FAF1: variants seen among roughly 807,000 people sequenced by gnomAD.
FAF1 encodes Fas associated factor 1.
Under a neutral mutation model 92.5 loss-of-function variants are expected in FAF1, and 25 were observed. The observed-to-expected ratio is 0.27, with a 90% CI of 0.20 to 0.38. The LOEUF is 0.38. Among genes scored for constraint, FAF1 ranks in the 10% least tolerant of loss-of-function variants. The pLI is 1.00. For missense variants in FAF1, 636 were observed against 793.3 expected, an observed-to-expected ratio of 0.80 and a Z score of 2.38; for synonymous variants, 234 against 273.2, an observed-to-expected ratio of 0.86 and a Z score of 1.42.
At position 50,797,995 on chromosome 1, in the gene FAF1, A is replaced by G. The variant is rs532009166; in HGVS notation, c.161+3636T>C. 5.3e-5 allele frequency among the ~76,000 whole-genome samples: 8 copies of G among 152,224 alleles called. No individual in the cohort carries two copies. The South Asian group carries it at 1.7e-3, about 32-fold the overall frequency. On this transcript the variant is annotated intron_variant, in intron 3 of 18. Coordinates refer to ENST00000396153, the MANE Select transcript of FAF1 (RefSeq NM_007051.3). Reference sequence around the variant, plus strand: ...GAAGGCAATGAACAGAAAGAAAACTAAACAGGAACTCTGCACTTGTTTATT... The same window carrying G: ...GAAGGCAATGAACAGAAAGAAAACTGAACAGGAACTCTGCACTTGTTTATT...
intron 2 of FAF1, among the ~76,000 whole-genome samples, chr1:50,806,839 C>T (rs2124599803): frequency 6.6e-6 from 1 of 152,260 alleles, no homozygotes; most frequent in Non-Finnish European, 1.5e-5. Flanking sequence ...AATTAAACCT[C>T]CAAATGCATC....
chr1:50,750,601 G>C (rs978885230), intron 4 of FAF1, among the ~76,000 whole-genome samples: 2 of 150,290 alleles, frequency 1.3e-5, no homozygotes, highest in Non-Finnish European at 1.5e-5. Flanking sequence ...TAATGTTTTC[G>C]AGATTTATCC....
At chr1:50,659,592 T>C (rs192133521) in intron 7 of FAF1, among the ~76,000 whole-genome samples, 1 of 151,284 alleles carries the variant, frequency 6.6e-6, no homozygotes, top group Admixed American at 6.6e-5. Context: ...TCTTACACAT[T>C]TTTTTTTTGA....
chr1:50,912,658 C>T (rs1387724282), intron 1 of FAF1, among the ~76,000 whole-genome samples: 1 of 152,058 alleles, frequency 6.6e-6, no homozygotes, highest in East Asian at 1.9e-4. Context: ...TACTGTTTCC[C>T]AAAAGAAGTT....
intron 7 of FAF1, among the ~76,000 whole-genome samples, chr1:50,675,643 TA>T (rs1340382095): frequency 6.6e-6 from 1 of 152,230 alleles, no homozygotes; most frequent in Non-Finnish European, 1.5e-5. Flanking sequence ...AGTGCACATT[TA>T]AAACATGCTG....
chr1:50,857,090 C>T (rs990989431), intron 2 of FAF1, among the ~76,000 whole-genome samples: 27 of 151,782 alleles, frequency 1.8e-4, no homozygotes, highest in African/African-American at 6.5e-4. Context: ...CATTTCATTA[C>T]ATTAAGCATC....
At chr1:50,948,113 T>C (rs922247657) in intron 1 of FAF1, among the ~76,000 whole-genome samples, 5 of 152,180 alleles carry the variant, frequency 3.3e-5, no homozygotes, top group African/African-American at 7.2e-5. Flanking sequence ...GTACAAGGTA[T>C]GAATGTTACA....
chr1:50,716,845 C>T (rs1658197143), intron 6 of FAF1, among the ~76,000 whole-genome samples: 1 of 152,208 alleles, frequency 6.6e-6, no homozygotes, highest in African/African-American at 2.4e-5. Context: ...CCCCAGCCAG[C>T]AGTGGCGACC....
At chr1:50,934,823 A>T (rs767460435) in intron 1 of FAF1, among the ~76,000 whole-genome samples, 6 of 152,162 alleles carry the variant, frequency 3.9e-5, no homozygotes, top group Non-Finnish European at 8.8e-5. Context: ...TTTTTCTTTC[A>T]ACACTTTAAA....
chr1:50,661,824 G>A (rs564587398), intron 7 of FAF1, among the ~76,000 whole-genome samples: 10 of 152,212 alleles, frequency 6.6e-5, no homozygotes, highest in African/African-American at 2.2e-4. Flanking sequence ...TTCAGAATGC[G>A]TTCTGAACAC....
intron 4 of FAF1, among the ~76,000 whole-genome samples, chr1:50,760,268 G>T (rs1191190703): frequency 6.6e-6 from 1 of 152,082 alleles, no homozygotes; most frequent in East Asian, 1.9e-4. Flanking sequence ...GTCAACATTA[G>T]ACAGATCAAC....
intron 14 of FAF1, among the ~76,000 whole-genome samples, chr1:50,537,682 C>T (rs1648556299): frequency 6.6e-6 from 1 of 152,032 alleles, no homozygotes; most frequent in Non-Finnish European, 1.5e-5. Flanking sequence ...GTGAGAAGAG[C>T]AGCATTGTAA....
At chr1:50,617,141 T>TG (rs1302041913) in intron 8 of FAF1, among the ~76,000 whole-genome samples, 1 of 152,220 alleles carries the variant, frequency 6.6e-6, no homozygotes, top group Non-Finnish European at 1.5e-5. Flanking sequence ...TTCTTTCTCT[T>TG]GCCTGATTGC....
intron 7 of FAF1, among the ~76,000 whole-genome samples, chr1:50,690,405 C>A (rs1158636272): frequency 6.6e-6 from 1 of 152,110 alleles, no homozygotes; most frequent in Non-Finnish European, 1.5e-5. Context: ...GAGTTCAAGA[C>A]CAGCCTGGCC....
At chr1:50,707,873 A>C (rs2124428039) in intron 6 of FAF1, among the ~76,000 whole-genome samples, 1 of 152,368 alleles carries the variant, frequency 6.6e-6, no homozygotes, top group Non-Finnish European at 1.5e-5. Flanking sequence ...AAACTACCAT[A>C]GGAGTTAAGA....
At chr1:50,719,791 C>A (rs988620613) in intron 6 of FAF1, among the ~76,000 whole-genome samples, 2 of 152,110 alleles carry the variant, frequency 1.3e-5, no homozygotes, top group African/African-American at 2.4e-5. Flanking sequence ...AGAGAATACC[C>A]GCAGTTCTTT....
intron 1 of FAF1, among the ~76,000 whole-genome samples, chr1:50,883,737 AT>A (rs1241757112): frequency 2.0e-5 from 3 of 152,290 alleles, no homozygotes; most frequent in Admixed American, 6.5e-5. Context: ...TGTAAAAAAA[AT>A]TTTTTCAGCA....
At chr1:50,473,041 T>C (rs1376996648) in intron 18 of FAF1, among the ~76,000 whole-genome samples, 1 of 152,200 alleles carries the variant, frequency 6.6e-6, no homozygotes, top group Non-Finnish European at 1.5e-5. Context: ...CTGTTCATTC[T>C]GGAACCAGAG....
At chr1:50,936,695 T>C (rs932175343) in intron 1 of FAF1, among the ~76,000 whole-genome samples, 2 of 152,056 alleles carry the variant, frequency 1.3e-5, no homozygotes, top group Non-Finnish European at 2.9e-5. Context: ...ATTTAATGGA[T>C]AGTGAAAACC....
Sources: gnomAD v4.1 joint callset for allele counts (sites outside exome capture counted in the v4.1 genomes callset) on GRCh38, gnomAD v4.1.1 for gene constraint, MANE v1.5 for transcripts, NCBI Gene and HGNC (gene_info 2026-07-23, HGNC 2026-07-21) for gene names.